Variants in ZC3H18 observed in about 807,000 individuals in gnomAD.
The protein encoded by ZC3H18 is zinc finger CCCH-type containing 18, also known as zinc finger CCCH domain-containing protein 18.
Under a neutral mutation model 106.1 loss-of-function variants are expected in ZC3H18, and 8 were observed. The observed-to-expected ratio is 0.08, with a 90% CI of 0.04 to 0.14. The LOEUF is 0.14. Ranked by LOEUF, ZC3H18 falls within the 10% of genes least tolerant of loss-of-function variation. The probability of loss-of-function intolerance (pLI) is 1.00; values close to 1 mark genes in which losing one functional copy is unlikely to be tolerated. For missense variants in ZC3H18, 1,318 were observed against 1,278.4 expected (o/e 1.03, Z -0.47); for synonymous variants, 635 against 522.1 (o/e 1.22, Z -2.95).
intron 2 of ZC3H18, among the ~76,000 whole-genome samples, chr16:88,581,037 TGCA>T (rs1915097868): frequency 6.6e-6 from 1 of 152,342 alleles, no homozygotes; most frequent in South Asian, 2.1e-4. Flanking sequence ...CCTGCATGCC[TGCA>T]GCCTCGTGGC....
At chr16:88,584,548 T>G (rs1402293543) in intron 2 of ZC3H18, among the ~76,000 whole-genome samples, 1 of 152,236 alleles carries the variant, frequency 6.6e-6, no homozygotes, top group Non-Finnish European at 1.5e-5. Flanking sequence ...TTTGTTTGAT[T>G]TTTTAACTGA....
At chr16:88,573,231 G>GC (rs1914520995) in intron 1 of ZC3H18, among the ~76,000 whole-genome samples, 1 of 152,056 alleles carries the variant, frequency 6.6e-6, no homozygotes, top group Admixed American at 6.6e-5. Context: ...GGCACCAGGC[G>GC]CTCCGCTTAG....
At chr16:88,601,019 C>G (rs1238772980) in intron 6 of ZC3H18, among the ~76,000 whole-genome samples, 2 of 152,234 alleles carry the variant, frequency 1.3e-5, no homozygotes, top group Non-Finnish European at 2.9e-5. Context: ...GCAGGGCTTG[C>G]ACTCCAGGAT....
chr16:88,618,732 G>A (rs1265444323), intron 8 of ZC3H18, among the ~76,000 whole-genome samples: 4 of 152,198 alleles, frequency 2.6e-5, no homozygotes, highest in Non-Finnish European at 2.9e-5. Context: ...ATGATAGCGC[G>A]GGCCTTGTGC....
Position 88,611,512 on chromosome 16 carries a change from A to G in ZC3H18, c.1451A>G (p.Lys484Arg), listed in dbSNP as rs1905274696. 6.5e-7 allele frequency: 1 copy of G among 1,550,312 alleles called. No homozygotes were observed. Among genetic ancestry groups the G allele is most frequent in the Non-Finnish European group, 8.7e-7 (1 of 1,146,702 alleles). The stretch of plus-strand genomic sequence containing the variant: ...CGGGAGAAGGAGAAGGGGAAGCCCA[A>G]GCCCCGCTCCCCGCAGCCGCCAAGG... ...KEREKEKGKP[K>R]PRSPQPPSRQ... is the part of the protein sequence containing the mutation. Residue 484 changes from lysine to arginine, a missense_variant, in exon 8 of 18, where the codon AAG becomes AGG. By Grantham distance (26) the Lys-to-Arg change is conservative. This residue lies in a region of ZC3H18 where 848 missense variants were observed against 821.7 expected (regional missense o/e 1.03). Coordinates refer to ENST00000301011, the MANE Select transcript of ZC3H18 (RefSeq NM_144604.4).
intron 11 of ZC3H18, 179 bp from the exon 12 acceptor site, chr16:88,624,423 G>A: frequency 1.0e-6 from 1 of 1,003,480 alleles, no homozygotes; most frequent in Non-Finnish European, 1.4e-6. Flanking sequence ...GGGCTTTGAA[G>A]CCGTTCCCAA....
At position 88,628,074 on chromosome 16, in the gene ZC3H18, C is replaced by T. The variant is rs768531212; in HGVS notation, c.2424C>T (p.Gly808=). The T allele has an allele frequency of 5.6e-6, 9 of 1,614,094 alleles. No individual in the cohort carries two copies. The highest frequency in any genetic ancestry group is 2.2e-5 in the East Asian group (1 of 44,886). Residue 808 remains glycine (G), a synonymous_variant, in exon 15 of 18, where the codon GGC becomes GGT. Transcript: ENST00000301011. ...QQAPPGQPQQ[G]TFVAHKEIKL... The stretch of plus-strand genomic sequence containing the variant: ...CACCCCCCGGGCAGCCCCAGCAGGG[C>T]ACATTTGTGGCCCACAAGGAGATCA...
At chr16:88,605,704 AGAT>A (rs1342827406) in intron 6 of ZC3H18, among the ~76,000 whole-genome samples, 3 of 152,228 alleles carry the variant, frequency 2.0e-5, no homozygotes, top group African/African-American at 7.2e-5. Context: ...GTACTTTTTG[AGAT>A]CCAGTTTCCT....
At chr16:88,621,277 T>A (rs1262385775) in intron 8 of ZC3H18, among the ~76,000 whole-genome samples, 1 of 149,198 alleles carries the variant, frequency 6.7e-6, no homozygotes, top group Middle Eastern at 3.4e-3. Flanking sequence ...CAGGCTGGAG[T>A]GCAATGGCGC....
intron 2 of ZC3H18, among the ~76,000 whole-genome samples, chr16:88,584,227 G>C (rs1157205398): frequency 6.6e-6 from 1 of 152,130 alleles, no homozygotes; most frequent in Non-Finnish European, 1.5e-5. Flanking sequence ...TTCAAGACCA[G>C]CCTGGCCAAC....
At position 88,609,048 on chromosome 16, in the gene ZC3H18, C is replaced by A; in HGVS notation, c.1203C>A (p.Tyr401Ter). Residue 401 changes from tyrosine (Y) to a stop codon, truncating the protein, a stop_gained, in exon 7 of 18, where the codon TAC (tyrosine) becomes TAA (stop). Transcript: ENST00000301011. LOFTEE classifies it high-confidence loss of function. ...CAGAAACAGAGCCGTATCATAATTACCGAGTAAGTATGACTTCAATATCCA... is the reference window on the plus strand; with the variant it reads ...CAGAAACAGAGCCGTATCATAATTAACGAGTAAGTATGACTTCAATATCCA... The part of the protein sequence containing the change: ...QYTETEPYHN[Y>*]RERERERERE... 1 of 1,610,550 alleles carries A rather than the reference C, an allele frequency of 6.2e-7. No homozygotes were observed. The highest frequency in any genetic ancestry group is 8.5e-7 in the Non-Finnish European group (1 of 1,177,360).
chr16:88,602,008 A>G (rs1299212902), intron 6 of ZC3H18, among the ~76,000 whole-genome samples: 2 of 152,212 alleles, frequency 1.3e-5, no homozygotes, highest in Non-Finnish European at 2.9e-5. Context: ...ACAGAGGAAA[A>G]CAGTGAGTAG....
intron 8 of ZC3H18, among the ~76,000 whole-genome samples, chr16:88,612,535 G>T (rs923324802): frequency 2.0e-5 from 3 of 151,684 alleles, no homozygotes; most frequent in Non-Finnish European, 4.4e-5. Context: ...AAATTAGCTG[G>T]GGGAGGTGGC....
At chr16:88,590,564 C>CTTTTTTTTTTTTTTTTTTTT (rs57632461) in intron 3 of ZC3H18, among the ~76,000 whole-genome samples, 15 of 100,650 alleles carry the variant, frequency 1.5e-4, no homozygotes, top group Non-Finnish European at 2.2e-4. Flanking sequence ...TTCTTTATTT[C>CTTTTTTTTTTTTTTTTTTTT]TTTTTTTTTT....
At chr16:88,624,123 TCCCTCC>T in intron 11 of ZC3H18, 61 bp downstream of exon 11, 2 of 1,583,064 alleles carry the variant, frequency 1.3e-6, no homozygotes, top group Non-Finnish European at 1.7e-6. Flanking sequence ...TGCAGCCTCC[TCCCTCC>T]GTCTCTATCT....
In ZC3H18 at chr16:88,630,656, G is replaced by C. The variant is rs532327974; in HGVS notation, c.2663+75G>C. 3 of 1,328,446 alleles carry C rather than the reference G, an allele frequency of 2.3e-6. No individual in the cohort carries two copies. In the South Asian group the frequency reaches 3.8e-5, roughly 17 times the overall value. 82.3% of individuals were successfully genotyped at this position (1,328,446 alleles called of 1,614,324 possible). A position where few individuals can be genotyped will look rare whatever the true frequency, so the allele number is the denominator to read the frequency against. ...AGTCGCTTCCCCAGGGAGGCCAGCAGCAGCAGGGCTAGCACTGGGCCAGGC... is the reference window on the plus strand; with the variant it reads ...AGTCGCTTCCCCAGGGAGGCCAGCACCAGCAGGGCTAGCACTGGGCCAGGC... On this transcript the variant is annotated intron_variant, in intron 17 of 17. Coordinates refer to ENST00000301011, the MANE Select transcript of ZC3H18 (RefSeq NM_144604.4).
In ZC3H18 at chr16:88,622,322, C is replaced by A. The variant is rs1021180429; in HGVS notation, c.1601C>A (p.Ser534Tyr). 6.2e-7 allele frequency: 1 copy of A among 1,613,788 alleles called. No homozygotes were observed. ...AAGAAGAAACTCGGGGTGTCGGTCTCCCCGAGCCGGGCTCGAAGGCGTCGG... is the reference window on the plus strand; with the variant it reads ...AAGAAGAAACTCGGGGTGTCGGTCTACCCGAGCCGGGCTCGAAGGCGTCGG... The part of the protein sequence containing the change: ...SPKKKLGVSV[S>Y]PSRARRRRKT... Residue 534 changes from serine (S) to tyrosine (Y), a missense_variant, in exon 9 of 18, where the codon TCC becomes TAC. Physicochemically the swap from Ser to Tyr is moderately radical, Grantham distance 144. This residue lies in a region of ZC3H18 where 848 missense variants were observed against 821.7 expected (regional missense o/e 1.03). Transcript: ENST00000301011.
rs769873162 is a variant in ZC3H18, at chr16:88,598,590, C to T, written c.838-30C>T. On this transcript the variant is annotated intron_variant, in intron 4 of 17. Coordinates refer to ENST00000301011, the MANE Select transcript of ZC3H18 (RefSeq NM_144604.4). ...TCTGTACACTTGAAAGTTTTACTTTCTCACCTTCTCCCTTCTCGTTTTTCA... is the reference window on the plus strand; with the variant it reads ...TCTGTACACTTGAAAGTTTTACTTTTTCACCTTCTCCCTTCTCGTTTTTCA... 8 of 1,586,394 alleles carry T rather than the reference C, an allele frequency of 5.0e-6. No homozygotes were observed. In the Admixed American group the frequency reaches 1.1e-4, roughly 21 times the overall value.
At chr16:88,584,157 C>G (rs1279663581) in intron 2 of ZC3H18, among the ~76,000 whole-genome samples, 1 of 152,166 alleles carries the variant, frequency 6.6e-6, no homozygotes, top group Non-Finnish European at 1.5e-5. Flanking sequence ...CGTGGTGGCT[C>G]ACACCTGTAA....
Sources: gnomAD v4.1 joint callset for allele counts (sites outside exome capture counted in the v4.1 genomes callset) on GRCh38, gnomAD v4.1.1 for gene constraint, gnomAD v4.1.1 regional missense constraint, MANE v1.5 for transcripts, NCBI Gene and HGNC (gene_info 2026-07-23, HGNC 2026-07-21) for gene names.